Variants in SLC35D2 observed in about 807,000 individuals in gnomAD.
SLC35D2 encodes the protein nucleotide sugar transporter SLC35D2.
Under a neutral mutation model 41.8 loss-of-function variants are expected in SLC35D2, and 43 were observed. The observed-to-expected ratio is 1.03, with a 90% CI of 0.81 to 1.33. The LOEUF (loss-of-function observed/expected upper bound fraction) is 1.33, where lower values mean the gene tolerates loss of function less well. SLC35D2 is among the 40% of genes most tolerant of loss of function. The pLI, the probability that SLC35D2 is intolerant of heterozygous loss-of-function variation, is 0.00. For synonymous variants in SLC35D2, 150 were observed against 163.9 expected (o/e 0.92, Z 0.65); for missense variants, 380 against 408.4 (o/e 0.93, Z 0.60).
intron 9 of SLC35D2, among the ~76,000 whole-genome samples, chr9:96,334,777 T>G (rs1023411230): frequency 6.6e-5 from 10 of 152,168 alleles, no homozygotes; most frequent in African/African-American, 2.2e-4. Context: ...ATGCTGGGAT[T>G]GTCAGATACA....
intron 1 of SLC35D2, among the ~76,000 whole-genome samples, chr9:96,369,002 T>C (rs768001514): frequency 1.4e-4 from 22 of 152,112 alleles, no homozygotes; most frequent in Non-Finnish European, 2.5e-4. Flanking sequence ...TGACCTCAAA[T>C]GATCTGCCCG....
intron 6 of SLC35D2, among the ~76,000 whole-genome samples, chr9:96,346,934 C>T (rs930077736): frequency 6.6e-6 from 1 of 151,616 alleles, no homozygotes; most frequent in East Asian, 1.9e-4. Context: ...GTCGGGAGTT[C>T]GAAACCAGCC....
In SLC35D2 at chr9:96,324,549, C is replaced by CTTTTTTTTTTTTTTTT. The variant is rs57775451; in HGVS notation, c.753-396_753-381dup. Among the ~76,000 whole-genome samples the CTTTTTTTTTTTTTTTT allele has an allele frequency of 1.4e-4, 16 of 117,746 alleles. 2 individuals are homozygous for CTTTTTTTTTTTTTTTT. The highest frequency in any genetic ancestry group is 9.4e-4 in the East Asian group (3 of 3,190). The allele number at this position is 117,746 out of a possible 152,430, so 77.2% of individuals were successfully genotyped here. Reference sequence around the variant, plus strand: ...CTGTGCCTCAGAATCGCCTGCTGCACTTTTTTTTTTTTTTTTTGGTGGGGA... The same window carrying CTTTTTTTTTTTTTTTT: ...CTGTGCCTCAGAATCGCCTGCTGCACTTTTTTTTTTTTTTTTTTTTTTTTTTTTTTTTTGGTGGGGA... On this transcript the variant is annotated intron_variant, in intron 9 of 11. Coordinates refer to ENST00000253270, the MANE Select transcript of SLC35D2 (RefSeq NM_007001.3).
intron 9 of SLC35D2, among the ~76,000 whole-genome samples, chr9:96,325,328 G>T (rs1189784766): frequency 6.6e-6 from 1 of 152,156 alleles, no homozygotes; most frequent in African/African-American, 2.4e-5. Flanking sequence ...TTACAAACTG[G>T]CTGAGAAAGA....
intron 3 of SLC35D2, among the ~76,000 whole-genome samples, chr9:96,364,011 T>C (rs1830383878): frequency 6.6e-6 from 1 of 152,186 alleles, no homozygotes; most frequent in Non-Finnish European, 1.5e-5. Context: ...CTAAATGATA[T>C]ACAGTCTTTA....
intron 4 of SLC35D2, among the ~76,000 whole-genome samples, chr9:96,352,314 TTTTA>T (rs933152946): frequency 1.3e-5 from 2 of 152,132 alleles, no homozygotes; most frequent in East Asian, 1.9e-4. Flanking sequence ...TTTACTTATT[TTTTA>T]TTTATTTATT....
rs757349758 is a variant in SLC35D2 at position 96,383,528 on chromosome 9, G to T, written c.107C>A (p.Thr36Asn). ...ARLLSALFYGTCSFLIVLVNK... is the reference protein window; with the variant it reads ...ARLLSALFYGNCSFLIVLVNK... ...GACAAGCACGATGAGGAAGGAGCAGGTCCCGTAGAAGAGCGCCGACAGCAG... is the reference window on the plus strand; with the variant it reads ...GACAAGCACGATGAGGAAGGAGCAGTTCCCGTAGAAGAGCGCCGACAGCAG... Residue 36 changes from threonine (T) to asparagine (N), a missense_variant, in exon 1 of 12, where the codon ACC (threonine) becomes AAC (asparagine). Thr to Asn is a moderately conservative substitution (Grantham distance 65). Coordinates refer to ENST00000253270, the MANE Select transcript of SLC35D2 (RefSeq NM_007001.3). 133 of 1,523,992 alleles carry T rather than the reference G, an allele frequency of 8.7e-5. 1 individual carries two copies. The highest frequency in any genetic ancestry group is 9.3e-5 in the Non-Finnish European group (106 of 1,135,584). The allele number at this position is 1,523,992 out of a possible 1,614,324, so 94.4% of individuals were successfully genotyped here.
intron 8 of SLC35D2, 139 bp downstream of exon 8, chr9:96,343,765 T>A: frequency 1.9e-6 from 1 of 528,408 alleles, no homozygotes; most frequent in Non-Finnish European, 3.3e-6. Context: ...TTACTAGGGA[T>A]ATCAAACATC....
intron 8 of SLC35D2, among the ~76,000 whole-genome samples, chr9:96,342,797 G>A (rs1829394968): frequency 6.6e-6 from 1 of 152,196 alleles, no homozygotes; most frequent in South Asian, 2.1e-4. Context: ...AGAACAAGGA[G>A]CTGCCCAGGA....
downstream of SLC35D2, among the ~76,000 whole-genome samples, chr9:96,317,952 C>T (rs546812509): frequency 6.7e-6 from 1 of 150,350 alleles, no homozygotes; most frequent in South Asian, 2.1e-4. Context: ...CACAAGATCA[C>T]TTGAACCTAG....
intron 7 of SLC35D2, among the ~76,000 whole-genome samples, chr9:96,344,975 C>T (rs146021940): frequency 7.6e-4 from 115 of 152,250 alleles, no homozygotes; most frequent in East Asian, 7.0e-3. Flanking sequence ...TCCAAACTAG[C>T]GCTCTCTGAA....
chr9:96,366,618 G>A (rs920534243), intron 2 of SLC35D2, among the ~76,000 whole-genome samples: 1 of 145,326 alleles, frequency 6.9e-6, no homozygotes, highest in African/African-American at 2.5e-5. Flanking sequence ...GCCTCCCAGT[G>A]AATGTTCAAG....
intron 9 of SLC35D2, 120 bp downstream of exon 9, chr9:96,336,597 T>A (rs1238778668): frequency 2.9e-6 from 2 of 698,964 alleles, no homozygotes; most frequent in Non-Finnish European, 4.9e-6. Context: ...CAGGGGTACT[T>A]TCCAGAGAAA....
At chr9:96,332,368 T>G (rs1165327439) in intron 9 of SLC35D2, among the ~76,000 whole-genome samples, 1 of 152,044 alleles carries the variant, frequency 6.6e-6, no homozygotes, top group Non-Finnish European at 1.5e-5. Flanking sequence ...GATGATCAGA[T>G]CCTAGCATAC....
intron 1 of SLC35D2, among the ~76,000 whole-genome samples, chr9:96,378,273 A>T (rs951085819): frequency 1.3e-5 from 2 of 151,904 alleles, no homozygotes; most frequent in East Asian, 3.9e-4. Context: ...ATCTCTAAAA[A>T]AAAAAAAAAA....
chr9:96,331,903 C>T (rs1828828330), intron 9 of SLC35D2, among the ~76,000 whole-genome samples: 1 of 152,154 alleles, frequency 6.6e-6, no homozygotes, highest in Non-Finnish European at 1.5e-5. Flanking sequence ...TATAAGAATC[C>T]AATGCCTGAT....
At chr9:96,361,780 A>T (rs1830288039) in intron 3 of SLC35D2, among the ~76,000 whole-genome samples, 2 of 151,982 alleles carry the variant, frequency 1.3e-5, no homozygotes, top group South Asian at 4.2e-4. Flanking sequence ...GCCATTGAGG[A>T]CACAGTGAGA....
intron 6 of SLC35D2, among the ~76,000 whole-genome samples, chr9:96,347,175 C>A (rs1437419040): frequency 2.6e-5 from 4 of 152,160 alleles, no homozygotes; most frequent in Admixed American, 2.6e-4. Flanking sequence ...TTCTTACCTA[C>A]CCACATGTGA....
At chr9:96,365,083 G>C (rs866768100) in intron 2 of SLC35D2, among the ~76,000 whole-genome samples, 1 of 150,224 alleles carries the variant, frequency 6.7e-6, no homozygotes, top group Non-Finnish European at 1.5e-5. Flanking sequence ...GCTGGGTGCC[G>C]TGGCTCATGC....
Sources: allele counts gnomAD v4.1 joint callset (sites outside exome capture counted in the v4.1 genomes callset), GRCh38; gene constraint gnomAD v4.1.1; transcripts MANE v1.5; gene names NCBI Gene and HGNC (gene_info 2026-07-23, HGNC 2026-07-21).